Variants in HSPBP1 observed in about 807,000 individuals in gnomAD.
The protein encoded by HSPBP1 is hsp70-binding protein 1.
A neutral mutation model predicts 41.7 loss-of-function variants in HSPBP1; 31 were observed. The observed-to-expected ratio is 0.74, with a 90% CI of 0.56 to 1.00. The LOEUF (loss-of-function observed/expected upper bound fraction) is 1.00, where lower values mean the gene tolerates loss of function less well. Ranked by LOEUF, HSPBP1 falls within the 50% of genes least tolerant of loss-of-function variation. The pLI is 0.00. For synonymous variants in HSPBP1, 199 were observed against 214.4 expected (o/e 0.93, Z 0.63); for missense variants, 439 against 487.9 (o/e 0.90, Z 0.94).
At chr19:55,278,305 G>A (rs769963306) in intron 2 of HSPBP1, among the ~76,000 whole-genome samples, 1 of 152,062 alleles carries the variant, frequency 6.6e-6, no homozygotes, top group Non-Finnish European at 1.5e-5. Flanking sequence ...GTGAGGGAGG[G>A]GAGCAGAGGT....
At chr19:55,266,466 TCACCACCATCCTCAC>T (rs2087786166) in intron 4 of HSPBP1, among the ~76,000 whole-genome samples, 180 bp from the exon 5 acceptor site, 1 of 50,658 alleles carries the variant, frequency 2.0e-5, no homozygotes, top group Non-Finnish European at 4.1e-5. Context: ...ACCATCACCA[TCACCACCATCCTCAC>T]CACCACCACC....
chr19:55,268,547 G>A lies in HSPBP1; in HGVS notation c.641-2261C>T, dbSNP rs2087844521. Among the ~76,000 whole-genome samples, 1 of 152,300 alleles carries A rather than the reference G, an allele frequency of 6.6e-6. No individual in the cohort carries two copies. The highest frequency in any genetic ancestry group is 2.4e-5 in the African/African-American group (1 of 41,554). On this transcript the variant is annotated intron_variant, in intron 4 of 7. Coordinates refer to ENST00000433386, the MANE Select transcript of HSPBP1 (RefSeq NM_012267.5). This position sits in a 1 kb window ranked among gnomAD's most constrained non-coding sequence, Gnocchi z 4.5. ...TTGCGATGTGCTTCATTTGTAAAATGCACACACTAGGTTTTGAAGACTTAG... is the reference window on the plus strand; with the variant it reads ...TTGCGATGTGCTTCATTTGTAAAATACACACACTAGGTTTTGAAGACTTAG...
At chr19:55,263,119 A>G (rs2122794497) in intron 7 of HSPBP1, among the ~76,000 whole-genome samples, 2 of 152,390 alleles carry the variant, frequency 1.3e-5, no homozygotes, top group South Asian at 4.1e-4. Context: ...CATAGCACAA[A>G]TGGCTAATAT....
In HSPBP1 at chr19:55,274,347, A is replaced by ACCCCCCCCCCCCCCCCC. The variant is rs11427517; in HGVS notation, c.640+50_640+51insGGGGGGGGGGGGGGGGG. 34 of 328,030 alleles carry ACCCCCCCCCCCCCCCCC rather than the reference A, an allele frequency of 1.0e-4. 1 individual carries two copies. Among genetic ancestry groups the ACCCCCCCCCCCCCCCCC allele is most frequent in the East Asian group, 2.1e-4 (4 of 19,378 alleles). The allele number at this position is 328,030 out of a possible 1,614,324, so 20.3% of individuals were successfully genotyped here. On this transcript the variant is annotated intron_variant, in intron 4 of 7. Transcript: ENST00000433386. ...AGCAGATCCCGGGGGCCCACCCGGC[A>ACCCCCCCCCCCCCCCCC]CCCCCCCCCACCGCCAGCACCCCTG...
intron 4 of HSPBP1, 45 bp downstream of exon 4, chr19:55,274,353 C>A (rs770542417): frequency 6.7e-6 from 4 of 600,682 alleles, no homozygotes; most frequent in Admixed American, 3.0e-5. Flanking sequence ...CGGCACCCCC[C>A]CCCACCGCCA....
intron 1 of HSPBP1, 86 bp downstream of exon 1, chr19:55,279,948 TA>T (rs2088188382): frequency 4.7e-6 from 2 of 421,468 alleles, no homozygotes; most frequent in Non-Finnish European, 8.7e-6. Context: ...TCCGCCTCCG[TA>T]GCAACAAGCC....
intron 2 of HSPBP1, among the ~76,000 whole-genome samples, chr19:55,279,102 C>T (rs1354125145): frequency 6.6e-6 from 1 of 151,974 alleles, no homozygotes; most frequent in Non-Finnish European, 1.5e-5. Flanking sequence ...AAATGAAGAA[C>T]TTGAGATTCA....
chr19:55,267,352 T>C (rs539263062), intron 4 of HSPBP1, among the ~76,000 whole-genome samples: 35 of 152,274 alleles, frequency 2.3e-4, no homozygotes, highest in Non-Finnish European at 3.7e-4. Context: ...GGTTTCACCA[T>C]GTTGGCCAGG....
intron 4 of HSPBP1, among the ~76,000 whole-genome samples, chr19:55,274,193 A>C (rs912700101): frequency 3.9e-5 from 6 of 152,320 alleles, no homozygotes; most frequent in Admixed American, 2.0e-4. Flanking sequence ...GGAAGTGGTC[A>C]CATCTGCTGC....
chr19:55,273,137 G>T (rs530703519), intron 4 of HSPBP1, among the ~76,000 whole-genome samples: 10 of 152,128 alleles, frequency 6.6e-5, no homozygotes, highest in Non-Finnish European at 1.2e-4. Context: ...GTACAGTCAC[G>T]CACCACCACG....
At chr19:55,271,687 G>T (rs892964392) in intron 4 of HSPBP1, among the ~76,000 whole-genome samples, 5 of 152,202 alleles carry the variant, frequency 3.3e-5, no homozygotes, top group Non-Finnish European at 5.9e-5. Context: ...ATACATGGGG[G>T]TGAGGGAGAG....
At position 55,270,430 on chromosome 19, in the gene HSPBP1, C is replaced by T. The variant is rs1327816094; in HGVS notation, c.640+3968G>A. On this transcript the variant is annotated intron_variant, in intron 4 of 7. Coordinates refer to ENST00000433386, the MANE Select transcript of HSPBP1 (RefSeq NM_012267.5). This position sits in a 1 kb window ranked among gnomAD's most constrained non-coding sequence, Gnocchi z 5.4. Reference sequence around the variant, plus strand: ...TTAGTGCAATGAGACCTTCAGGGAACGAGGCCCGGCTGACGGCTGACCACA... The same window carrying T: ...TTAGTGCAATGAGACCTTCAGGGAATGAGGCCCGGCTGACGGCTGACCACA... Among the ~76,000 whole-genome samples the T allele has an allele frequency of 1.3e-5, 2 of 152,148 alleles. No homozygotes were observed. The highest frequency in any genetic ancestry group is 6.5e-5 in the Admixed American group (1 of 15,284).
chr19:55,262,553 G>A lies in HSPBP1; in HGVS notation c.*55C>T. ...TGGGAGAGGGCCTTGTAGGTGGGGA[G>A]GGAGGCAAGAGGCCTGGGGTTCCCA... On this transcript the variant is annotated 3_prime_UTR_variant, in exon 8 of 8. Coordinates refer to ENST00000433386, the MANE Select transcript of HSPBP1 (RefSeq NM_012267.5). The A allele has an allele frequency of 6.2e-7, 1 of 1,602,280 alleles. No individual in the cohort carries two copies. The highest frequency in any genetic ancestry group is 8.5e-7 in the Non-Finnish European group (1 of 1,174,200).
At position 55,280,017 on chromosome 19, in the gene HSPBP1, G is replaced by A. The variant is rs1008597703; in HGVS notation, c.-95+18C>T. On this transcript the variant is annotated intron_variant, in intron 1 of 7. Coordinates refer to ENST00000433386, the MANE Select transcript of HSPBP1 (RefSeq NM_012267.5). ...CCCTCCTCTCCGAAGAGGGGCGCCG[G>A]AATAAGGCGGATCTCACCTCCCCGG... 1 of 287,562 alleles carries A rather than the reference G, an allele frequency of 3.5e-6. No individual in the cohort carries two copies. Among genetic ancestry groups the A allele is most frequent in the African/African-American group, 2.3e-5 (1 of 43,264 alleles). The allele number at this position is 287,562 out of a possible 1,614,324, so 17.8% of individuals were successfully genotyped here. A position where few individuals can be genotyped will look rare whatever the true frequency, so the allele number is the denominator to read the frequency against.
chr19:55,276,694 G>C (rs761986845), intron 3 of HSPBP1, among the ~76,000 whole-genome samples: 3 of 152,104 alleles, frequency 2.0e-5, no homozygotes, highest in Non-Finnish European at 4.4e-5. Flanking sequence ...CTGCGGATTG[G>C]AGCAGGAGTT....
chr19:55,274,689 T>G, intron 3 of HSPBP1, 67 bp from the exon 4 acceptor site: 1 of 1,334,268 alleles, frequency 7.5e-7, no homozygotes, highest in Non-Finnish European at 1.0e-6. Context: ...CCAAAATGCA[T>G]GGGTTGATGT....
In HSPBP1 at chr19:55,272,800, T is replaced by C. The variant is rs1226213146; in HGVS notation, c.640+1598A>G. On this transcript the variant is annotated intron_variant, in intron 4 of 7. Coordinates refer to ENST00000433386, the MANE Select transcript of HSPBP1 (RefSeq NM_012267.5). This position sits in a 1 kb window ranked among gnomAD's most constrained non-coding sequence, Gnocchi z 4.2. The stretch of plus-strand genomic sequence containing the variant: ...TTGTAGTGAGCCGAGATCGCGCCAT[T>C]GCGCTCCAGCCTGGGTGACAAGAGC... 1.3e-5 allele frequency among the ~76,000 whole-genome samples: 2 copies of C among 151,134 alleles called. No homozygotes were observed. The highest frequency in any genetic ancestry group is 2.1e-4 in the South Asian group (1 of 4,808).
chr19:55,273,413 G>A (rs950791244), intron 4 of HSPBP1, among the ~76,000 whole-genome samples: 3 of 152,148 alleles, frequency 2.0e-5, no homozygotes, highest in African/African-American at 4.8e-5. Context: ...GCACATGCAG[G>A]CAGGCATCCA....
At chr19:55,274,359 C>T (rs1251622286) in intron 4 of HSPBP1, 39 bp downstream of exon 4, 20 of 858,368 alleles carry the variant, frequency 2.3e-5, no homozygotes, top group South Asian at 3.6e-5. Context: ...CCCCCCCCAC[C>T]GCCAGCACCC....
Sources: gnomAD v4.1 joint callset for allele counts (sites outside exome capture counted in the v4.1 genomes callset) on GRCh38, gnomAD v4.1.1 for gene constraint, Gnocchi (gnomAD v3.1) non-coding constraint, MANE v1.5 for transcripts, NCBI Gene and HGNC (gene_info 2026-07-23, HGNC 2026-07-21) for gene names.